NALF1: variants seen among roughly 807,000 people sequenced by gnomAD.
NALF1 encodes the protein NALCN channel auxiliary factor 1, also known as family with sequence similarity 155 member A.
Under a neutral mutation model 48.4 loss-of-function variants are expected in NALF1, and 3 were observed. That is an observed-to-expected ratio of 0.06 (90% CI 0.03 to 0.16). The LOEUF is 0.16. NALF1 is among the 10% of genes least tolerant of loss of function. The pLI is 1.00. For synonymous variants in NALF1, 262 were observed against 245.7 expected (o/e 1.07, Z -0.62); for missense variants, 526 against 571.5 (o/e 0.92, Z 0.81).
chr13:107,640,699 T>A (rs1880127681), intron 1 of NALF1, among the ~76,000 whole-genome samples: 2 of 152,212 alleles, frequency 1.3e-5, no homozygotes, highest in African/African-American at 4.8e-5. Context: ...TGCATGAGTA[T>A]TTTTTCTAAG....
chr13:107,748,555 G>A (rs1308350664), intron 1 of NALF1, among the ~76,000 whole-genome samples: 1 of 152,062 alleles, frequency 6.6e-6, no homozygotes, highest in African/African-American at 2.4e-5. Flanking sequence ...AGTGTCCAAA[G>A]CACAATTGCT....
At chr13:107,463,581 G>A (rs1459861587) in intron 1 of NALF1, among the ~76,000 whole-genome samples, 2 of 152,174 alleles carry the variant, frequency 1.3e-5, no homozygotes, top group African/African-American at 4.8e-5. Flanking sequence ...AAACTGAGAA[G>A]CATGAGAGTG....
At chr13:107,783,107 G>T (rs1363974630) in intron 1 of NALF1, among the ~76,000 whole-genome samples, 1 of 141,828 alleles carries the variant, frequency 7.1e-6, no homozygotes, top group East Asian at 2.2e-4. Context: ...CGTCCGGGAG[G>T]TGAGGGGCGC....
intron 1 of NALF1, among the ~76,000 whole-genome samples, chr13:107,697,964 G>GTGTA (rs1480537020): frequency 6.6e-6 from 1 of 152,104 alleles, no homozygotes; most frequent in East Asian, 1.9e-4. Flanking sequence ...AGTTTCCAAT[G>GTGTA]TGTAATACAC....
intron 1 of NALF1, among the ~76,000 whole-genome samples, chr13:107,570,778 T>C (rs1178743918): frequency 6.6e-6 from 1 of 151,970 alleles, no homozygotes; most frequent in African/African-American, 2.4e-5. Context: ...TTAATATTAA[T>C]AGACACTTGC....
chr13:107,759,302 G>A (rs866281868), intron 1 of NALF1, among the ~76,000 whole-genome samples: 7 of 152,098 alleles, frequency 4.6e-5, no homozygotes, highest in East Asian at 1.9e-4. Context: ...TCTGCCTCCC[G>A]GGTTCAAGCA....
intron 1 of NALF1, among the ~76,000 whole-genome samples, chr13:107,684,639 A>T (rs1288512491): frequency 6.6e-6 from 1 of 151,990 alleles, no homozygotes; most frequent in Non-Finnish European, 1.5e-5. Flanking sequence ...CTGACAATAG[A>T]CTCTCTGGCT....
At chr13:107,261,346 G>A (rs1023347924) in intron 1 of NALF1, among the ~76,000 whole-genome samples, 4 of 152,004 alleles carry the variant, frequency 2.6e-5, no homozygotes, top group Admixed American at 2.6e-4. Context: ...TCCCATCCCT[G>A]GATCCTGCCA....
intron 1 of NALF1, among the ~76,000 whole-genome samples, chr13:107,554,243 C>T (rs559356160): frequency 1.3e-5 from 2 of 152,312 alleles, no homozygotes; most frequent in South Asian, 4.1e-4. Context: ...CAGGAAGCTC[C>T]ATTTTCAGAT....
chr13:107,213,769 T>C (rs747808931), intron 1 of NALF1, among the ~76,000 whole-genome samples: 2 of 152,176 alleles, frequency 1.3e-5, no homozygotes, highest in Non-Finnish European at 2.9e-5. Flanking sequence ...ATCTTGAAAA[T>C]GATTACTTGA....
At chr13:107,338,164 T>C (rs1161480022) in intron 1 of NALF1, among the ~76,000 whole-genome samples, 1 of 152,208 alleles carries the variant, frequency 6.6e-6, no homozygotes, top group East Asian at 1.9e-4. Flanking sequence ...AAAATAATAA[T>C]GAAAAATATT....
Position 107,543,181 on chromosome 13 carries a change from C to G in NALF1, c.915+322501G>C, listed in dbSNP as rs1474269369. On this transcript the variant is annotated intron_variant, in intron 1 of 2. Coordinates refer to ENST00000375915, the MANE Select transcript of NALF1 (RefSeq NM_001080396.3). ...AAAAAGATATTTACATTTAAAAGGG[C>G]TATCACTAAAACTAAACTTAAATGT... Among the ~76,000 whole-genome samples, 5 of 151,916 alleles carry G rather than the reference C, an allele frequency of 3.3e-5. No homozygotes were observed. In the South Asian group the frequency reaches 1.0e-3, roughly 32 times the overall value.
At chr13:107,248,286 G>A (rs899916728) in intron 1 of NALF1, among the ~76,000 whole-genome samples, 1 of 152,020 alleles carries the variant, frequency 6.6e-6, no homozygotes, top group Non-Finnish European at 1.5e-5. Flanking sequence ...TTAGGCAAAC[G>A]CTTTCACTGT....
At chr13:107,526,219 T>A (rs1055997579) in intron 1 of NALF1, among the ~76,000 whole-genome samples, 8 of 152,130 alleles carry the variant, frequency 5.3e-5, no homozygotes, top group East Asian at 3.8e-4. Flanking sequence ...TTCATGAGCA[T>A]CTGTATGTTC....
chr13:107,855,242 A>C (rs930636100), intron 1 of NALF1, among the ~76,000 whole-genome samples: 6 of 152,216 alleles, frequency 3.9e-5, no homozygotes, highest in African/African-American at 2.4e-5. Flanking sequence ...CTGACTCTTA[A>C]GCCTATGCTC....
chr13:107,636,356 G>A (rs746741932), intron 1 of NALF1, among the ~76,000 whole-genome samples: 13 of 152,036 alleles, frequency 8.6e-5, no homozygotes, highest in Admixed American at 2.0e-4. Context: ...AACACAAATC[G>A]TTTGGAATTG....
chr13:107,787,100 T>C (rs544066409), intron 1 of NALF1, among the ~76,000 whole-genome samples: 32 of 152,344 alleles, frequency 2.1e-4, no homozygotes, highest in African/African-American at 7.5e-4. Context: ...AAAGAAAATA[T>C]TAGATCTATT....
chr13:107,469,776 C>T (rs1453625414), intron 1 of NALF1, among the ~76,000 whole-genome samples: 1 of 123,654 alleles, frequency 8.1e-6, no homozygotes, highest in Non-Finnish European at 1.6e-5. Flanking sequence ...CAGCGTCTCG[C>T]TCTGTTGCCC....
At chr13:107,858,700 T>C (rs1434214987) in intron 1 of NALF1, among the ~76,000 whole-genome samples, 1 of 152,154 alleles carries the variant, frequency 6.6e-6, no homozygotes, top group Non-Finnish European at 1.5e-5. Context: ...ATAGATTAAT[T>C]AATTAATAAC....
Sources: gnomAD v4.1 joint callset for allele counts (sites outside exome capture counted in the v4.1 genomes callset) on GRCh38, gnomAD v4.1.1 for gene constraint, MANE v1.5 for transcripts, NCBI Gene and HGNC (gene_info 2026-07-23, HGNC 2026-07-21) for gene names.